SYN2: variants seen among roughly 807,000 people sequenced by gnomAD.
The protein encoded by SYN2 is synapsin-2.
In SYN2, 19 loss-of-function variants were observed where a neutral mutation model predicts 50.9. The observed-to-expected ratio is 0.37, with a 90% CI of 0.26 to 0.55. The LOEUF is 0.55. SYN2 is among the 20% of genes least tolerant of loss of function. The pLI, the probability that SYN2 is intolerant of heterozygous loss-of-function variation, is 0.81. For missense variants in SYN2, 587 were observed against 576.4 expected, an observed-to-expected ratio of 1.02 and a Z score of -0.19; for synonymous variants, 255 against 224.9, an observed-to-expected ratio of 1.13 and a Z score of -1.20.
chr3:12,035,394 A>G (rs1021359494), intron 1 of SYN2, among the ~76,000 whole-genome samples: 1 of 152,196 alleles, frequency 6.6e-6, no homozygotes, highest in Non-Finnish European at 1.5e-5. Flanking sequence ...TTACTGAACC[A>G]AACTTGGGTC....
intron 1 of SYN2, among the ~76,000 whole-genome samples, chr3:12,015,907 T>C (rs2125132924): frequency 1.3e-5 from 2 of 152,338 alleles, no homozygotes; most frequent in Middle Eastern, 6.8e-3. Context: ...CCAGGATATA[T>C]ACCTCTTATC....
At chr3:12,097,627 GA>G in intron 1 of SYN2, among the ~76,000 whole-genome samples, 1 of 145,878 alleles carries the variant, frequency 6.9e-6, no homozygotes, top group South Asian at 2.2e-4. Flanking sequence ...AAAAAAGAAA[GA>G]AAAAAGAAAA....
intron 10 of SYN2, among the ~76,000 whole-genome samples, chr3:12,179,929 A>C (rs310761): frequency 6.6e-6 from 1 of 152,122 alleles, no homozygotes; most frequent in Non-Finnish European, 1.5e-5. Context: ...GTAAACCCAA[A>C]GTTGGTTGGG....
chr3:12,072,320 A>G (rs548094430), intron 1 of SYN2, among the ~76,000 whole-genome samples: 2 of 152,316 alleles, frequency 1.3e-5, no homozygotes, highest in South Asian at 4.1e-4. Context: ...CTTTTGAAAC[A>G]CAAGAAATTT....
intron 8 of SYN2, among the ~76,000 whole-genome samples, 169 bp downstream of exon 8, chr3:12,167,477 TAGAG>T (rs1367042907): frequency 1.3e-5 from 2 of 151,934 alleles, no homozygotes; most frequent in African/African-American, 2.4e-5. Flanking sequence ...GGACTGATGA[TAGAG>T]AAAGATGATA....
intron 5 of SYN2, chr3:12,157,281 A>G (rs1697485919): frequency 3.8e-6 from 4 of 1,042,198 alleles, no homozygotes; most frequent in Non-Finnish European, 5.8e-6. Flanking sequence ...AGACCCAAGG[A>G]TTACTGAGCC....
At position 12,090,569 on chromosome 3, in the gene SYN2, T is replaced by A. The variant is rs567004099; in HGVS notation, c.378-50082T>A. Among the ~76,000 whole-genome samples, 10 of 152,314 alleles carry A rather than the reference T, an allele frequency of 6.6e-5. No individual in the cohort carries two copies. The South Asian group carries it at 1.9e-3, about 28-fold the overall frequency. On this transcript the variant is annotated intron_variant, in intron 1 of 12. Transcript: ENST00000621198. ...GGTCTTCAGCTATAAAATAAGACAG[T>A]TGGACTAACTTTCAACTTTTAGTAA...
chr3:12,188,630 A>G (rs1698390848), intron 12 of SYN2, among the ~76,000 whole-genome samples: 2 of 151,774 alleles, frequency 1.3e-5, no homozygotes, highest in African/African-American at 4.8e-5. Context: ...TTTTTCTCAA[A>G]GCCGAGCTAC....
chr3:12,095,547 CAAAAAAAAAAA>C (rs1184674939), intron 1 of SYN2, among the ~76,000 whole-genome samples: 1 of 3,358 alleles, frequency 3.0e-4, no homozygotes, highest in Non-Finnish European at 4.4e-4. Flanking sequence ...GACTCCGTCT[CAAAAAAAAAAA>C]AAAAAAAAAA....
At chr3:12,112,502 A>C (rs1367714041) in intron 1 of SYN2, among the ~76,000 whole-genome samples, 4 of 152,096 alleles carry the variant, frequency 2.6e-5, no homozygotes. Context: ...TTTGCAGTGG[A>C]GTTACAAGTC....
intron 7 of SYN2, among the ~76,000 whole-genome samples, chr3:12,167,006 T>C (rs943984707): frequency 6.6e-6 from 1 of 152,230 alleles, no homozygotes; most frequent in Admixed American, 6.5e-5. Context: ...GCAGGCTCTG[T>C]GGAGCCAGAG....
intron 1 of SYN2, among the ~76,000 whole-genome samples, chr3:12,133,160 T>G (rs531829527): frequency 6.6e-6 from 1 of 152,294 alleles, no homozygotes; most frequent in South Asian, 2.1e-4. Context: ...CAGCTTGCTC[T>G]CTATCTAAGA....
At chr3:12,071,112 C>T in intron 1 of SYN2, 2 of 561,246 alleles carry the variant, frequency 3.6e-6, no homozygotes, top group South Asian at 2.8e-5. Flanking sequence ...TCTGCAAAGA[C>T]CTACATGCCA....
At chr3:12,042,004 C>T (rs1047555157) in intron 1 of SYN2, among the ~76,000 whole-genome samples, 2 of 152,208 alleles carry the variant, frequency 1.3e-5, no homozygotes, top group African/African-American at 4.8e-5. Flanking sequence ...ACAGCCTGCT[C>T]TGCTCTGCCA....
intron 1 of SYN2, 25 bp downstream of exon 1, chr3:12,004,953 C>T: frequency 6.1e-6 from 3 of 488,404 alleles, no homozygotes; most frequent in Non-Finnish European, 7.2e-6. Context: ...CCGCCGCCCT[C>T]GGGGGTCGGG....
At chr3:12,153,089 G>A (rs1028317203) in intron 5 of SYN2, 7 of 239,316 alleles carry the variant, frequency 2.9e-5, no homozygotes, top group Non-Finnish European at 5.1e-5. Context: ...ATTCCTGCCA[G>A]TCAGCCTGTT....
At chr3:12,153,762 T>A in intron 5 of SYN2, 1 of 1,596,660 alleles carries the variant, frequency 6.3e-7, no homozygotes, top group Non-Finnish European at 8.6e-7. Context: ...TCCTTCTTTT[T>A]CCATTGCTGC....
chr3:12,079,886 CT>C (rs560667023), intron 1 of SYN2, among the ~76,000 whole-genome samples: 15 of 151,982 alleles, frequency 9.9e-5, no homozygotes, highest in South Asian at 2.1e-4. Flanking sequence ...GGTATCAGCT[CT>C]TTTTTTTACC....
intron 3 of SYN2, among the ~76,000 whole-genome samples, chr3:12,143,798 TACTC>T (rs1697084325): frequency 6.6e-6 from 1 of 152,222 alleles, no homozygotes; most frequent in African/African-American, 2.4e-5. Context: ...TTTGAGTAGA[TACTC>T]AGTAATGGTA....
Sources: allele counts gnomAD v4.1 joint callset (sites outside exome capture counted in the v4.1 genomes callset), GRCh38; gene constraint gnomAD v4.1.1; transcripts MANE v1.5; gene names NCBI Gene and HGNC (gene_info 2026-07-23, HGNC 2026-07-21).